The following FAT3 variants were observed in gnomAD, a reference collection of about 807,000 sequenced individuals.
FAT3 encodes the protein protocadherin Fat 3.
FAT3 carries 95 observed loss-of-function variants against 310.2 expected under a neutral mutation model. The ratio of observed to expected loss-of-function variants is 0.31; its 90% CI spans 0.26 to 0.36. The LOEUF (loss-of-function observed/expected upper bound fraction) is 0.36, where lower values mean the gene tolerates loss of function less well. Ranked by LOEUF, FAT3 falls within the 10% of genes least tolerant of loss-of-function variation. The probability of loss-of-function intolerance (pLI) is 1.00; values close to 1 mark genes in which losing one functional copy is unlikely to be tolerated. For missense variants in FAT3, 5,408 were observed against 5,715.6 expected (o/e 0.95, Z 1.74); for synonymous variants, 2,314 against 2,192.9 (o/e 1.06, Z -1.54).
At chr11:92,670,539 G>T (rs952185816) in intron 3 of FAT3, among the ~76,000 whole-genome samples, 6 of 152,072 alleles carry the variant, frequency 3.9e-5, no homozygotes, top group Non-Finnish European at 8.8e-5. Flanking sequence ...TGCCTTGTTT[G>T]GGGGGATGAG....
chr11:92,231,787 G>T (rs1864191164), intron 1 of FAT3, among the ~76,000 whole-genome samples: 1 of 143,368 alleles, frequency 7.0e-6, no homozygotes, highest in Non-Finnish European at 1.5e-5. Context: ...TGTGCTTAAT[G>T]ACAGTATAAA....
At chr11:92,618,372 C>G (rs1039348905) in intron 3 of FAT3, among the ~76,000 whole-genome samples, 4 of 152,158 alleles carry the variant, frequency 2.6e-5, no homozygotes, top group African/African-American at 9.7e-5. Context: ...TTCCAGATAC[C>G]ATCTGTCATG....
chr11:92,624,294 A>T (rs760046798), intron 3 of FAT3, among the ~76,000 whole-genome samples: 9 of 152,190 alleles, frequency 5.9e-5, no homozygotes, highest in Non-Finnish European at 2.9e-5. Flanking sequence ...AGGTACATGA[A>T]CACAGAGATG....
chr11:92,394,346 C>A (rs1344002263), intron 2 of FAT3, among the ~76,000 whole-genome samples: 1 of 151,902 alleles, frequency 6.6e-6, no homozygotes, highest in Non-Finnish European at 1.5e-5. Context: ...GTGGCATGCA[C>A]CTGTAGGTGG....
chr11:92,368,828 G>GTATATATATATATA (rs1565263475), intron 2 of FAT3, among the ~76,000 whole-genome samples: 3 of 108,112 alleles, frequency 2.8e-5, no homozygotes, highest in Admixed American at 8.2e-5. Flanking sequence ...ATGTTTGTGT[G>GTATATATATATATA]TATACATATA....
At chr11:92,580,864 C>T (rs1371522767) in intron 3 of FAT3, among the ~76,000 whole-genome samples, 1 of 151,444 alleles carries the variant, frequency 6.6e-6, no homozygotes, top group Non-Finnish European at 1.5e-5. Flanking sequence ...TTCACCTTTT[C>T]CTGCCAAGCT....
At chr11:92,886,955 A>G in intron 24 of FAT3, 45 bp from the exon 25 acceptor site, 1 of 1,485,004 alleles carries the variant, frequency 6.7e-7, no homozygotes, top group Admixed American at 1.9e-5. Context: ...AATAGGCACA[A>G]GGTAACCAGT....
Position 92,354,398 on chromosome 11 carries a change from A to G in FAT3, c.2286A>G (p.Leu762=), listed in dbSNP as rs760559357. The G allele has an allele frequency of 3.1e-6, 5 of 1,613,790 alleles. No individual in the cohort carries two copies. Among genetic ancestry groups the G allele is most frequent in the Admixed American group, 1.7e-5 (1 of 59,960 alleles). The part of the protein sequence containing the change: ...DADSGFNGKV[L]FTISDGNTDS... The stretch of plus-strand genomic sequence containing the variant: ...ACTCTGGCTTCAATGGAAAAGTGCT[A>G]TTTACAATATCAGATGGAAATACGG... Residue 762 remains leucine, a synonymous_variant, in exon 2 of 28, where the codon CTA becomes CTG. Coordinates refer to ENST00000525166, the MANE Select transcript of FAT3 (RefSeq NM_001367949.2).
At chr11:92,752,912 A>G (rs929158618) in intron 4 of FAT3, among the ~76,000 whole-genome samples, 1 of 152,250 alleles carries the variant, frequency 6.6e-6, no homozygotes, top group East Asian at 1.9e-4. Flanking sequence ...TGTAAACAAT[A>G]TAATAAATAA....
rs56273706 is a variant in FAT3, at chr11:92,232,628, G to GTTTTT, written c.-18+7476_-18+7480dup. Reference sequence around the variant, plus strand: ...TGTGCTTCTTGACTTCAGTGATGTCGTTTTTTTTTTTTTTTTTTTTTTTTT... The same window carrying GTTTTT: ...TGTGCTTCTTGACTTCAGTGATGTCGTTTTTTTTTTTTTTTTTTTTTTTTTTTTTT... On this transcript the variant is annotated intron_variant, in intron 1 of 27. Transcript: ENST00000525166. 4.4e-3 allele frequency among the ~76,000 whole-genome samples: 327 copies of GTTTTT among 74,780 alleles called. 2 individuals carry two copies. The highest frequency in any genetic ancestry group is 5.6e-3 in the African/African-American group (97 of 17,396). The allele number at this position is 74,780 out of a possible 152,430, so 49.1% of individuals were successfully genotyped here.
chr11:92,810,583 G>A (rs1947641677), intron 13 of FAT3, among the ~76,000 whole-genome samples: 1 of 152,030 alleles, frequency 6.6e-6, no homozygotes, highest in African/African-American at 2.4e-5. Context: ...AGTCCAACGT[G>A]GATTTTTTAA....
rs766397928 is a variant in FAT3 at position 92,801,285 on chromosome 11, A to G, written c.8272A>G (p.Ile2758Val). The change falls in exon 10 of 28, where the codon ATA becomes GTA. Residue 2758 changes from isoleucine (I) to valine (V), a missense_variant. This residue lies in a region of FAT3 where 4,588 missense variants were observed against 4,809.8 expected (regional missense o/e 0.95). Transcript: ENST00000525166. ...AAATAACAAAGGGGGCATATTCGTC[A>G]TAGAACAGGAAACAGGCACTATTAA... The part of the protein sequence containing the change: ...PENNKGGIFV[I>V]EQETGTIKLD... 3.7e-6 allele frequency: 6 copies of G among 1,613,970 alleles called. No homozygotes were observed. The South Asian group carries it at 5.5e-5, about 15-fold the overall frequency.
At chr11:92,471,190 C>G (rs1466697291) in intron 2 of FAT3, among the ~76,000 whole-genome samples, 1 of 152,034 alleles carries the variant, frequency 6.6e-6, no homozygotes, top group Non-Finnish European at 1.5e-5. Flanking sequence ...TATCCGAAGC[C>G]TAAATCTTTT....
At chr11:92,444,669 G>GA (rs1951168143) in intron 2 of FAT3, among the ~76,000 whole-genome samples, 5 of 133,438 alleles carry the variant, frequency 3.7e-5, no homozygotes, top group African/African-American at 8.9e-5. Flanking sequence ...TGGGGGGGGG[G>GA]GAAAACATAC....
chr11:92,302,814 G>A (rs946857626), intron 1 of FAT3, among the ~76,000 whole-genome samples: 2 of 151,954 alleles, frequency 1.3e-5, no homozygotes, highest in African/African-American at 4.8e-5. Context: ...TTCAAGGAAG[G>A]GAAATAAGTC....
intron 3 of FAT3, among the ~76,000 whole-genome samples, chr11:92,688,653 G>A (rs1943705098): frequency 6.6e-6 from 1 of 152,046 alleles, no homozygotes; most frequent in African/African-American, 2.4e-5. Flanking sequence ...AACCAACCAT[G>A]GTCTAGAGCC....
At chr11:92,417,231 G>C (rs1208947313) in intron 2 of FAT3, among the ~76,000 whole-genome samples, 1 of 152,324 alleles carries the variant, frequency 6.6e-6, no homozygotes, top group East Asian at 1.9e-4. Context: ...AATCACAGCT[G>C]TGGGGAAGAG....
chr11:92,290,314 G>T (rs1415685486), intron 1 of FAT3, among the ~76,000 whole-genome samples: 1 of 151,990 alleles, frequency 6.6e-6, no homozygotes, highest in Non-Finnish European at 1.5e-5. Context: ...AAAGATTATT[G>T]TCAGCTTTTT....
chr11:92,644,080 C>T (rs181999575), intron 3 of FAT3, among the ~76,000 whole-genome samples: 54 of 152,300 alleles, frequency 3.5e-4, no homozygotes, highest in African/African-American at 1.2e-3. Flanking sequence ...CTGCTGCCTG[C>T]GAGGGCAGCC....
Sources: allele counts gnomAD v4.1 joint callset (sites outside exome capture counted in the v4.1 genomes callset), GRCh38; gene constraint gnomAD v4.1.1; regional missense constraint gnomAD v4.1.1; transcripts MANE v1.5; gene names NCBI Gene and HGNC (gene_info 2026-07-23, HGNC 2026-07-21).